PCDHGA10: variants seen among roughly 807,000 people sequenced by gnomAD.
PCDHGA10 encodes protocadherin gamma-A10.
In PCDHGA10, 42 loss-of-function variants were observed where a neutral mutation model predicts 59.5. That is an observed-to-expected ratio of 0.71 (90% CI 0.55 to 0.91). The LOEUF is 0.91. PCDHGA10 is among the 40% of genes least tolerant of loss of function. The pLI is 0.00. For synonymous variants in PCDHGA10, 511 were observed against 517.2 expected, an observed-to-expected ratio of 0.99 and a Z score of 0.16; for missense variants, 1,111 against 1,198.2, an observed-to-expected ratio of 0.93 and a Z score of 1.07.
In PCDHGA10 at chr5:141,487,562, G is replaced by A. The variant is rs140619162; in HGVS notation, c.2437-7245G>A. The A allele has an allele frequency of 7.7e-5, 125 of 1,614,060 alleles. 1 individual carries two copies. The highest frequency in any genetic ancestry group is 5.7e-4 in the Admixed American group (34 of 60,006). On this transcript the variant is annotated intron_variant, in intron 1 of 3. Transcript: ENST00000398610. The surrounding 1 kb of genome is among the most constrained non-coding windows in gnomAD (Gnocchi z 5.0). ...GAAGTCACCCAGTGCACCTATGGCA[G>A]GGGAGCCTGTTCGCCCAAGCTGCCC...
At chr5:141,440,155 A>C (rs1250255277) in intron 1 of PCDHGA10, 1 of 152,238 alleles carries the variant, frequency 6.6e-6, no homozygotes, top group Non-Finnish European at 1.5e-5. Flanking sequence ...CCCCAATTAT[A>C]GCTTGGGCCA....
intron 1 of PCDHGA10, among the ~76,000 whole-genome samples, chr5:141,467,702 C>T (rs2099149453): frequency 6.6e-6 from 1 of 152,086 alleles, no homozygotes; most frequent in South Asian, 2.1e-4. Context: ...GGCTCTGTTG[C>T]CCAGGCTGGA....
intron 1 of PCDHGA10, among the ~76,000 whole-genome samples, chr5:141,465,443 C>T (rs979024871): frequency 6.6e-6 from 1 of 152,158 alleles, no homozygotes; most frequent in Non-Finnish European, 1.5e-5. Flanking sequence ...AATGATTACC[C>T]AAGAAAACTC....
At chr5:141,463,338 G>A (rs1005543705) in intron 1 of PCDHGA10, among the ~76,000 whole-genome samples, 2 of 150,742 alleles carry the variant, frequency 1.3e-5, no homozygotes, top group African/African-American at 2.4e-5. Flanking sequence ...CAAAACCATG[G>A]TGTTATTCTT....
intron 2 of PCDHGA10, among the ~76,000 whole-genome samples, chr5:141,504,118 G>A (rs948008198): frequency 6.6e-6 from 1 of 152,096 alleles, no homozygotes; most frequent in African/African-American, 2.4e-5. Flanking sequence ...GTGTGCCAGG[G>A]CTGTTTCCCG....
At chr5:141,474,332 G>A (rs1427828070) in intron 1 of PCDHGA10, among the ~76,000 whole-genome samples, 1 of 152,168 alleles carries the variant, frequency 6.6e-6, no homozygotes, top group Non-Finnish European at 1.5e-5. Flanking sequence ...TCACCCTGAT[G>A]TTTTGTTAAA....
rs1248983040 is a variant in PCDHGA10, at chr5:141,476,937, G to T, written c.2437-17870G>T. 3.1e-6 allele frequency: 5 copies of T among 1,614,186 alleles called. No homozygotes were observed. Among genetic ancestry groups the T allele is most frequent in the Non-Finnish European group, 4.2e-6 (5 of 1,180,050 alleles). The stretch of plus-strand genomic sequence containing the variant: ...GTCCTTGCAACGGATCTGGATGAAG[G>T]CCCCAACGGTGAAATTATTTACTCC... On this transcript the variant is annotated intron_variant, in intron 1 of 3. Coordinates refer to ENST00000398610, the MANE Select transcript of PCDHGA10 (RefSeq NM_018913.3). This position sits in a 1 kb window ranked among gnomAD's most constrained non-coding sequence, Gnocchi z 7.6.
chr5:141,487,968 T>C lies in PCDHGA10; in HGVS notation c.2437-6839T>C, dbSNP rs2099670029. Among the ~76,000 whole-genome samples the C allele has an allele frequency of 6.6e-6, 1 of 152,236 alleles. No individual in the cohort carries two copies. The highest frequency in any genetic ancestry group is 1.5e-5 in the Non-Finnish European group (1 of 68,050). On this transcript the variant is annotated intron_variant, in intron 1 of 3. Transcript: ENST00000398610. This position sits in a 1 kb window ranked among gnomAD's most constrained non-coding sequence, Gnocchi z 5.0. The stretch of plus-strand genomic sequence containing the variant: ...AGGCAGTCACTTGGACAAAGGTGGC[T>C]GTTTTCTCTACTCTTCCTGAAAGAG...
chr5:141,421,043 C>G (rs1201118615), intron 1 of PCDHGA10: 2 of 548,238 alleles, frequency 3.6e-6, no homozygotes, highest in Non-Finnish European at 6.3e-6. Flanking sequence ...CCTCCCTCCC[C>G]CGCCTCTACC....
intron 1 of PCDHGA10, among the ~76,000 whole-genome samples, chr5:141,453,999 A>C (rs1561953352): frequency 6.6e-6 from 1 of 152,258 alleles, no homozygotes; most frequent in South Asian, 2.1e-4. Flanking sequence ...ATAAACCCAC[A>C]TAACATTTTA....
In PCDHGA10 at chr5:141,491,759, G is replaced by A; in HGVS notation, c.2437-3048G>A. On this transcript the variant is annotated intron_variant, in intron 1 of 3. Coordinates refer to ENST00000398610, the MANE Select transcript of PCDHGA10 (RefSeq NM_018913.3). The surrounding 1 kb of genome is among the most constrained non-coding windows in gnomAD (Gnocchi z 6.9). ...GGGGGCGGCACTGGAGAAGCCGCCC[G>A]TCCTCATAAGGGATTGAACTTGCAT... 2 of 1,575,392 alleles carry A rather than the reference G, an allele frequency of 1.3e-6. No homozygotes were observed. The highest frequency in any genetic ancestry group is 1.9e-5 in the Admixed American group (1 of 52,640).
chr5:141,505,679 G>A (rs1350871637), intron 3 of PCDHGA10, among the ~76,000 whole-genome samples, 198 bp downstream of exon 3: 24 of 152,172 alleles, frequency 1.6e-4, no homozygotes, highest in Non-Finnish European at 3.5e-4. Flanking sequence ...TGGGGGTCCT[G>A]GGATGCCTGG....
intron 1 of PCDHGA10, among the ~76,000 whole-genome samples, chr5:141,445,077 T>C (rs778919022): frequency 5.9e-5 from 9 of 152,242 alleles, no homozygotes; most frequent in Non-Finnish European, 1.2e-4. Flanking sequence ...CTCATTAAAT[T>C]GTCCCTACAT....
intron 1 of PCDHGA10, among the ~76,000 whole-genome samples, chr5:141,483,084 C>CA (rs898059463): frequency 8.0e-5 from 12 of 150,326 alleles, no homozygotes; most frequent in Admixed American, 2.0e-4. Context: ...GACTCCATCT[C>CA]AAAAAAAAAG....
In PCDHGA10 at chr5:141,477,836, G is replaced by T. The variant is rs1344676631; in HGVS notation, c.2437-16971G>T. On this transcript the variant is annotated intron_variant, in intron 1 of 3. Transcript: ENST00000398610. This position sits in a 1 kb window ranked among gnomAD's most constrained non-coding sequence, Gnocchi z 4.9. ...CCAGGTCCTATATCCTCGGCCAGGT[G>T]GGAGCTCGGTGGAGATGCTGCCTCG... The T allele has an allele frequency of 1.2e-6, 2 of 1,613,952 alleles. No individual in the cohort carries two copies. Among genetic ancestry groups the T allele is most frequent in the Non-Finnish European group, 1.7e-6 (2 of 1,180,012 alleles).
At position 141,413,553 on chromosome 5, in the gene PCDHGA10, A is replaced by G; in HGVS notation, c.378A>G (p.Glu126=). Residue 126 remains glutamate (E), a synonymous_variant, in exon 1 of 4, where the codon GAA becomes GAG. Coordinates refer to ENST00000398610, the MANE Select transcript of PCDHGA10 (RefSeq NM_018913.3). ...DRVKLFGIEI[E]VTDINDNAPK... is the part of the protein sequence containing the mutation. ...TGAAACTTTTTGGGATAGAAATAGA[A>G]GTAACTGATATCAATGACAATGCTC... The G allele has an allele frequency of 6.2e-7, 1 of 1,613,938 alleles. No individual in the cohort carries two copies. Among genetic ancestry groups the G allele is most frequent in the Non-Finnish European group, 8.5e-7 (1 of 1,179,902 alleles).
At chr5:141,458,172 T>A (rs1023447659) in intron 1 of PCDHGA10, among the ~76,000 whole-genome samples, 2 of 152,216 alleles carry the variant, frequency 1.3e-5, no homozygotes, top group African/African-American at 4.8e-5. Flanking sequence ...CACAGTAGTA[T>A]ACCTTACTTG....
chr5:141,476,747 C>A lies in PCDHGA10; in HGVS notation c.2437-18060C>A. 1 of 1,614,066 alleles carries A rather than the reference C, an allele frequency of 6.2e-7. No homozygotes were observed. The highest frequency in any genetic ancestry group is 1.3e-5 in the African/African-American group (1 of 75,074). On this transcript the variant is annotated intron_variant, in intron 1 of 3. Transcript: ENST00000398610. The surrounding 1 kb of genome is among the most constrained non-coding windows in gnomAD (Gnocchi z 7.6). ...GGACCGAGAACGGGAGCCTAGTCTCCAGTTAGTGCTGACGGCGTTGGACGG... is the reference window on the plus strand; with the variant it reads ...GGACCGAGAACGGGAGCCTAGTCTCAAGTTAGTGCTGACGGCGTTGGACGG...
rs781198519 is a variant in PCDHGA10 at position 141,432,162 on chromosome 5, G to A, written c.2436+16551G>A. ...TATATCCCAGAGAACAATCCCAGAG[G>A]AGTTTCCCTCGTCTCTGTGACCGCC... On this transcript the variant is annotated intron_variant, in intron 1 of 3. Coordinates refer to ENST00000398610, the MANE Select transcript of PCDHGA10 (RefSeq NM_018913.3). The surrounding 1 kb of genome is among the most constrained non-coding windows in gnomAD (Gnocchi z 6.0). 1 of 1,614,070 alleles carries A rather than the reference G, an allele frequency of 6.2e-7. No homozygotes were observed. The highest frequency in any genetic ancestry group is 8.5e-7 in the Non-Finnish European group (1 of 1,180,030).
Sources: gnomAD v4.1 joint callset for allele counts (sites outside exome capture counted in the v4.1 genomes callset) on GRCh38, gnomAD v4.1.1 for gene constraint, Gnocchi (gnomAD v3.1) non-coding constraint, MANE v1.5 for transcripts, NCBI Gene and HGNC (gene_info 2026-07-23, HGNC 2026-07-21) for gene names.